The following KHSRP variants were observed in gnomAD, a reference collection of about 807,000 sequenced individuals.
KHSRP encodes KH-type splicing regulatory protein.
KHSRP carries 13 observed loss-of-function variants against 94.9 expected under a neutral mutation model. The observed-to-expected ratio is 0.14, with a 90% CI of 0.09 to 0.22. The LOEUF is 0.22. Ranked by LOEUF, KHSRP falls within the 10% of genes least tolerant of loss-of-function variation. KHSRP has a pLI of 1.00. For missense variants in KHSRP, 710 were observed against 1,010.0 expected, an observed-to-expected ratio of 0.70 and a Z score of 4.03; for synonymous variants, 495 against 401.4, an observed-to-expected ratio of 1.23 and a Z score of -2.79.
At position 6,420,149 on chromosome 19, in the gene KHSRP, A is replaced by G. The variant is rs1358503804; in HGVS notation, c.476-5T>C. ...GTTCACCTCCTCTGCCAATGACTGGATGGAGAAAGAAGGAGAAAAGCAAAG... is the reference window on the plus strand; with the variant it reads ...GTTCACCTCCTCTGCCAATGACTGGGTGGAGAAAGAAGGAGAAAAGCAAAG... On this transcript the variant is annotated splice_polypyrimidine_tract_variant and splice_region_variant and intron_variant, in intron 5 of 18. Transcript: ENST00000600480. The G allele has an allele frequency of 2.5e-6, 4 of 1,610,980 alleles. No individual in the cohort carries two copies. The South Asian group carries it at 4.4e-5, about 18-fold the overall frequency.
intron 14 of KHSRP, 40 bp downstream of exon 14, chr19:6,416,450 G>C: frequency 6.2e-7 from 1 of 1,612,624 alleles, no homozygotes; most frequent in East Asian, 2.2e-5. Flanking sequence ...GCTGGGATCC[G>C]GGCTGTGAGA....
chr19:6,421,857 G>C lies in KHSRP; in HGVS notation c.347-169C>G, dbSNP rs116592713. Among the ~76,000 whole-genome samples the C allele has an allele frequency of 8.8e-3, 1,343 of 152,228 alleles. 19 individuals are homozygous for C. The highest frequency in any genetic ancestry group is 0.029 in the African/African-American group (1,217 of 41,530). ...TGGCCCCTGAGGGAGGCCAGACCCC[G>C]CCAATTCCGCCACCAACGCTCAGAG... On this transcript the variant is annotated intron_variant, in intron 2 of 18. Coordinates refer to ENST00000600480, the MANE Select transcript of KHSRP (RefSeq NM_001366299.1).
chr19:6,414,082 C>A lies in KHSRP; in HGVS notation c.*942G>T. The A allele has an allele frequency of 6.5e-7, 1 of 1,537,450 alleles. No individual in the cohort carries two copies. On this transcript the variant is annotated 3_prime_UTR_variant, in exon 19 of 19. Coordinates refer to ENST00000600480, the MANE Select transcript of KHSRP (RefSeq NM_001366299.1). ...CAAAATGGAAAAAAAAAAGATTTTT[C>A]ACAGATGAAGAAGTTCACATTCATT...
chr19:6,418,314 G>T lies in KHSRP; in HGVS notation c.879+169C>A, dbSNP rs1393988756. Among the ~76,000 whole-genome samples, 1 of 152,130 alleles carries T rather than the reference G, an allele frequency of 6.6e-6. No homozygotes were observed. The highest frequency in any genetic ancestry group is 1.5e-5 in the Non-Finnish European group (1 of 68,018). Reference sequence around the variant, plus strand: ...GCCGGTGCCTCACACACACAAAGCTGGGAGTCAGTTCAGGGCCATCCTACG... The same window carrying T: ...GCCGGTGCCTCACACACACAAAGCTTGGAGTCAGTTCAGGGCCATCCTACG... On this transcript the variant is annotated intron_variant, in intron 9 of 18. Coordinates refer to ENST00000600480, the MANE Select transcript of KHSRP (RefSeq NM_001366299.1). This position sits in a 1 kb window ranked among gnomAD's most constrained non-coding sequence, Gnocchi z 4.3.
Position 6,414,826 on chromosome 19 carries a change from C to T in KHSRP, c.*198G>A. ...GGTGCCCACCGTCCGCGCTGTCTGCCTGCCCCCCGACTCCCCAGCAGTTCA... is the reference window on the plus strand; with the variant it reads ...GGTGCCCACCGTCCGCGCTGTCTGCTTGCCCCCCGACTCCCCAGCAGTTCA... On this transcript the variant is annotated 3_prime_UTR_variant, in exon 19 of 19. Transcript: ENST00000600480. 1 of 1,227,410 alleles carries T rather than the reference C, an allele frequency of 8.1e-7. No homozygotes were observed. The highest frequency in any genetic ancestry group is 1.0e-6 in the Non-Finnish European group (1 of 981,494). The allele number at this position is 1,227,410 out of a possible 1,614,324, so 76.0% of individuals were successfully genotyped here.
rs930825065 is a variant in KHSRP at position 6,414,665 on chromosome 19, A to G, written c.*359T>C. On this transcript the variant is annotated 3_prime_UTR_variant, in exon 19 of 19. Coordinates refer to ENST00000600480, the MANE Select transcript of KHSRP (RefSeq NM_001366299.1). ...GCCTGCAACACAGTCACTTGGACAC[A>G]GGAAAAAAGATCATGGGTTTAAAAA... is the stretch of plus-strand genomic sequence containing the variant. The G allele has an allele frequency of 1.3e-5, 13 of 1,012,436 alleles. No individual in the cohort carries two copies. The Admixed American group carries it at 1.7e-4, about 13-fold the overall frequency. The allele number at this position is 1,012,436 out of a possible 1,614,324, so 62.7% of individuals were successfully genotyped here. A position where few individuals can be genotyped will look rare whatever the true frequency, so the allele number is the denominator to read the frequency against.
Position 6,415,072 on chromosome 19 carries a change from G to A in KHSRP, c.2196C>T (p.Ala732=). 1 of 1,586,448 alleles carries A rather than the reference G, an allele frequency of 6.3e-7. No individual in the cohort carries two copies. The highest frequency in any genetic ancestry group is 1.1e-5 in the South Asian group (1 of 89,352). ...SFQPPATVHP[A]LVGSAGNPFP... is the part of the protein sequence containing the mutation. ...AGGGGTTTCCGGCGCTACCCACTAAGGCAGGATGGACGGTGGCCGGGGGTT... is the reference window on the plus strand; with the variant it reads ...AGGGGTTTCCGGCGCTACCCACTAAAGCAGGATGGACGGTGGCCGGGGGTT... The change falls in exon 19 of 19, where the codon GCC becomes GCT. Residue 732 remains alanine (A), a synonymous_variant. Coordinates refer to ENST00000600480, the MANE Select transcript of KHSRP (RefSeq NM_001366299.1).
In KHSRP at chr19:6,415,037, C is replaced by G; in HGVS notation, c.2231G>C (p.Gly744Ala). The change falls in exon 19 of 19, where the codon GGG becomes GCG. Residue 744 changes from glycine to alanine, a missense_variant. This residue lies in a region of KHSRP where 292 missense variants were observed against 340.5 expected (regional missense o/e 0.86). Transcript: ENST00000600480. ...VGSAGNPFPC[G>A]VCP ...CCGCTGCAGGCATCAAGGGCACACC[C>G]CGCAGGGGAAGGGGTTTCCGGCGCT... is the stretch of plus-strand genomic sequence containing the variant. The G allele has an allele frequency of 6.6e-7, 1 of 1,519,154 alleles. No individual in the cohort carries two copies. Among genetic ancestry groups the G allele is most frequent in the Non-Finnish European group, 8.8e-7 (1 of 1,142,396 alleles). 94.1% of individuals were successfully genotyped at this position (1,519,154 alleles called of 1,614,324 possible). A position where few individuals can be genotyped will look rare whatever the true frequency, so the allele number is the denominator to read the frequency against.
Position 6,418,960 on chromosome 19 carries a change from A to G in KHSRP, c.606-84T>C. The G allele has an allele frequency of 1.5e-6, 2 of 1,367,984 alleles. No homozygotes were observed. Among genetic ancestry groups the G allele is most frequent in the Non-Finnish European group, 1.9e-6 (2 of 1,031,146 alleles). 84.7% of individuals were successfully genotyped at this position (1,367,984 alleles called of 1,614,324 possible). ...TGGTGGCCCACCCAGCTCAAAGGGAAGGCGACCCCAGAGTGTGCAAGGATG... is the reference window on the plus strand; with the variant it reads ...TGGTGGCCCACCCAGCTCAAAGGGAGGGCGACCCCAGAGTGTGCAAGGATG... On this transcript the variant is annotated intron_variant, in intron 7 of 18. Coordinates refer to ENST00000600480, the MANE Select transcript of KHSRP (RefSeq NM_001366299.1). This position sits in a 1 kb window ranked among gnomAD's most constrained non-coding sequence, Gnocchi z 4.3.
rs1265865655 is a variant in KHSRP at position 6,415,533 on chromosome 19, C to A, written c.1888+1G>T. The A allele has an allele frequency of 1.9e-6, 3 of 1,543,396 alleles. No individual in the cohort carries two copies. The highest frequency in any genetic ancestry group is 2.6e-6 in the Non-Finnish European group (3 of 1,143,384). ...GCCCCCCCGCCACCCTGCAGACTCACCGATCTTTTTGTAATACTCTTCCCA... is the reference window on the plus strand; with the variant it reads ...GCCCCCCCGCCACCCTGCAGACTCAACGATCTTTTTGTAATACTCTTCCCA... On this transcript the variant is annotated splice_donor_variant, in intron 17 of 18. Transcript: ENST00000600480. LOFTEE classifies it high-confidence loss of function.
chr19:6,421,141 C>G (rs1231949015), intron 4 of KHSRP, 137 bp downstream of exon 4: 2 of 770,094 alleles, frequency 2.6e-6, no homozygotes, highest in African/African-American at 3.5e-5. Flanking sequence ...TCATTCCCGT[C>G]TGAGCACTCT....
At position 6,418,898 on chromosome 19, in the gene KHSRP, G is replaced by C. The variant is rs764785699; in HGVS notation, c.606-22C>G. On this transcript the variant is annotated intron_variant, in intron 7 of 18. Transcript: ENST00000600480. The surrounding 1 kb of genome is among the most constrained non-coding windows in gnomAD (Gnocchi z 4.3). ...TTTCCTGGGAAGGGGAGGAGCGGGGGATGAGCGGGTGCCACCGCTGGAGAA... is the reference window on the plus strand; with the variant it reads ...TTTCCTGGGAAGGGGAGGAGCGGGGCATGAGCGGGTGCCACCGCTGGAGAA... 2 of 1,528,290 alleles carry C rather than the reference G, an allele frequency of 1.3e-6. No individual in the cohort carries two copies. Among genetic ancestry groups the C allele is most frequent in the East Asian group, 4.5e-5 (2 of 44,004 alleles). The allele number at this position is 1,528,290 out of a possible 1,614,324, so 94.7% of individuals were successfully genotyped here. A position where few individuals can be genotyped will look rare whatever the true frequency, so the allele number is the denominator to read the frequency against.
Position 6,416,560 on chromosome 19 carries a change from T to C in KHSRP, c.1418A>G (p.Lys473Arg), listed in dbSNP as rs2092148075. The C allele has an allele frequency of 6.2e-7, 1 of 1,613,822 alleles. No individual in the cohort carries two copies. The highest frequency in any genetic ancestry group is 8.5e-7 in the Non-Finnish European group (1 of 1,179,708). Residue 473 changes from lysine to arginine, a missense_variant, in exon 14 of 19, where the codon AAG (lysine) becomes AGG (arginine). This residue lies in a region of KHSRP where 37 missense variants were observed against 61.1 expected (regional missense o/e 0.61). Coordinates refer to ENST00000600480, the MANE Select transcript of KHSRP (RefSeq NM_001366299.1). ...GGGTGAACCCCGGATGATGAACAAC[T>C]TGAAGTTGGGGTCCCCGTTGGGTGG... is the stretch of plus-strand genomic sequence containing the variant. Reference protein sequence around the residue: ...QLPPNGDPNFKLFIIRGSPQQ... With the variant: ...QLPPNGDPNFRLFIIRGSPQQ...
intron 7 of KHSRP, 23 bp downstream of exon 7, chr19:6,419,180 T>C (rs761493517): frequency 1.9e-6 from 3 of 1,565,684 alleles, no homozygotes; most frequent in South Asian, 1.2e-5. Context: ...CACATCACAA[T>C]GAGAGGCCCT....
intron 4 of KHSRP, 88 bp downstream of exon 4, chr19:6,421,190 C>T (rs1249839337): frequency 8.2e-7 from 1 of 1,226,528 alleles, no homozygotes; most frequent in African/African-American, 1.5e-5. Flanking sequence ...GAGAGATGTG[C>T]CCCCAGTCAG....
At position 6,414,236 on chromosome 19, in the gene KHSRP, C is replaced by G. The variant is rs1269690254; in HGVS notation, c.*788G>C. 9 of 1,508,792 alleles carry G rather than the reference C, an allele frequency of 6.0e-6. No homozygotes were observed. Among genetic ancestry groups the G allele is most frequent in the African/African-American group, 1.4e-5 (1 of 70,862 alleles). The allele number at this position is 1,508,792 out of a possible 1,614,324, so 93.5% of individuals were successfully genotyped here. On this transcript the variant is annotated 3_prime_UTR_variant, in exon 19 of 19. Transcript: ENST00000600480. ...TGGGGGGGGCCAGGAAGCCCCCTCC[C>G]AAACCTGCGCTGGCTCAGGCTGGAA...
rs1026305807 is a variant in KHSRP, at chr19:6,414,906, G to T, written c.*118C>A. On this transcript the variant is annotated 3_prime_UTR_variant, in exon 19 of 19. Coordinates refer to ENST00000600480, the MANE Select transcript of KHSRP (RefSeq NM_001366299.1). ...CCAGCATCACGACAGCGGCACACAG[G>T]AACAAGCAGCCGGCGCAGGGAGGCC... 2.7e-5 allele frequency: 37 copies of T among 1,390,286 alleles called. No homozygotes were observed. Among genetic ancestry groups the T allele is most frequent in the Non-Finnish European group, 3.3e-5 (36 of 1,077,014 alleles). The allele number at this position is 1,390,286 out of a possible 1,614,324, so 86.1% of individuals were successfully genotyped here.
chr19:6,424,661 G>A lies in KHSRP; in HGVS notation c.41C>T (p.Pro14Leu), dbSNP rs2092221997. The A allele has an allele frequency of 2.9e-6, 3 of 1,022,968 alleles. No homozygotes were observed. Among genetic ancestry groups the A allele is most frequent in the Admixed American group, 1.2e-4 (2 of 16,840 alleles). 63.4% of individuals were successfully genotyped at this position (1,022,968 alleles called of 1,614,324 possible). A position where few individuals can be genotyped will look rare whatever the true frequency, so the allele number is the denominator to read the frequency against. The change falls in exon 1 of 19, where the codon CCG (proline) becomes CTG (leucine). Residue 14 changes from proline to leucine, a missense_variant. Pro to Leu is a moderately conservative substitution (Grantham distance 98, BLOSUM62 -3). This residue lies in a region of KHSRP where 92 missense variants were observed against 80.8 expected (regional missense o/e 1.14). Transcript: ENST00000600480. ...TCCCCCGCCCCCGCCGGCGGGCGGC[G>A]GCGGCCCGGGCGGGGGTCCTCCCGT... ...YSTGGPPPGP[P>L]PPAGGGGGAG...
chr19:6,413,479 G>C lies in KHSRP; in HGVS notation c.*1545C>G. 2.7e-6 allele frequency: 1 copy of C among 375,018 alleles called. No individual in the cohort carries two copies. Among genetic ancestry groups the C allele is most frequent in the Admixed American group, 3.0e-5 (1 of 33,826 alleles). 23.2% of individuals were successfully genotyped at this position (375,018 alleles called of 1,614,324 possible). On this transcript the variant is annotated 3_prime_UTR_variant, in exon 19 of 19. Transcript: ENST00000600480. ...CTCTTGAACAGATGAAAAGACAACA[G>C]ACCAGTCCTGGGAGGGGGGACGGGC... is the stretch of plus-strand genomic sequence containing the variant.
Sources: allele counts gnomAD v4.1 joint callset (sites outside exome capture counted in the v4.1 genomes callset), GRCh38; gene constraint gnomAD v4.1.1; regional missense constraint gnomAD v4.1.1; non-coding constraint Gnocchi (gnomAD v3.1); transcripts MANE v1.5; gene names NCBI Gene and HGNC (gene_info 2026-07-23, HGNC 2026-07-21).